Variants in RBFOX1 observed in about 807,000 individuals in gnomAD.
The protein encoded by RBFOX1 is RNA binding fox-1 homolog 1.
In RBFOX1, 8 loss-of-function variants were observed where a neutral mutation model predicts 57.7. That is an observed-to-expected ratio of 0.14 (90% CI 0.08 to 0.25). RBFOX1 has a LOEUF of 0.25. Among genes scored for constraint, RBFOX1 ranks in the 10% least tolerant of loss-of-function variants. RBFOX1 has a pLI of 1.00. For synonymous variants in RBFOX1, 326 were observed against 222.4 expected (o/e 1.47, Z -4.15); for missense variants, 611 against 548.5 (o/e 1.11, Z -1.14).
chr16:6,800,092 C>T (rs1468024678), intron 3 of RBFOX1, among the ~76,000 whole-genome samples: 1 of 152,096 alleles, frequency 6.6e-6, no homozygotes, highest in Non-Finnish European at 1.5e-5. Flanking sequence ...TGTCATGGTG[C>T]TGGTAGGATT....
chr16:6,785,110 T>C (rs1379345526), intron 3 of RBFOX1, among the ~76,000 whole-genome samples: 3 of 152,074 alleles, frequency 2.0e-5, no homozygotes, highest in Non-Finnish European at 2.9e-5. Flanking sequence ...CATGGTTCCT[T>C]CCAAAAATAT....
At chr16:6,163,732 C>T (rs2096895910) in intron 1 of RBFOX1, among the ~76,000 whole-genome samples, 1 of 152,070 alleles carries the variant, frequency 6.6e-6, no homozygotes, top group African/African-American at 2.4e-5. Flanking sequence ...TGTAAAAATG[C>T]CAGGTCAGTC....
chr16:6,513,429 G>A lies in RBFOX1; in HGVS notation c.-63-141174G>A, dbSNP rs112985532. Among the ~76,000 whole-genome samples, 445 of 152,252 alleles carry A rather than the reference G, an allele frequency of 2.9e-3. 2 individuals are homozygous for A. The highest frequency in any genetic ancestry group is 6.8e-3 in the South Asian group (33 of 4,824). ...GAGAGCACATTGGACTCATGACTCT[G>A]TGTAAAAGTTTGGAGACCATGAGGC... On this transcript the variant is annotated intron_variant, in intron 2 of 15. Transcript: ENST00000550418.
At chr16:5,870,980 A>G (rs28412909) in intron 4 of RBFOX1, among the ~76,000 whole-genome samples, 41,795 of 152,116 alleles carry the variant, frequency 0.27, 6,935 homozygotes, top group African/African-American at 0.46. Flanking sequence ...CCACAGAATC[A>G]GTGAGAATGA....
intron 3 of RBFOX1, among the ~76,000 whole-genome samples, chr16:6,827,360 G>C (rs12448667): frequency 0.25 from 37,705 of 152,042 alleles, 5,809 homozygotes; most frequent in East Asian, 0.64. Flanking sequence ...ATGGGAAGAT[G>C]TGTTGTGTGC....
At chr16:7,360,736 A>C (rs2097304569) in intron 4 of RBFOX1, among the ~76,000 whole-genome samples, 1 of 152,194 alleles carries the variant, frequency 6.6e-6, no homozygotes, top group Non-Finnish European at 1.5e-5. Context: ...CCAATGTCCC[A>C]CACACTGGGA....
intron 4 of RBFOX1, among the ~76,000 whole-genome samples, chr16:7,279,872 G>A (rs1210618689): frequency 6.6e-6 from 1 of 152,192 alleles, no homozygotes; most frequent in Non-Finnish European, 1.5e-5. Flanking sequence ...ACTCATGAAG[G>A]CTGAAAGGGA....
At chr16:6,715,108 C>T (rs1014838894) in intron 3 of RBFOX1, among the ~76,000 whole-genome samples, 13 of 152,090 alleles carry the variant, frequency 8.5e-5, no homozygotes, top group African/African-American at 2.9e-4. Flanking sequence ...GTGGTGAATA[C>T]AGTCAAGATT....
intron 4 of RBFOX1, among the ~76,000 whole-genome samples, chr16:7,355,702 T>A (rs1019395093): frequency 2.0e-5 from 3 of 152,206 alleles, no homozygotes; most frequent in Non-Finnish European, 4.4e-5. Context: ...TTATTTGCCC[T>A]TCAGCAAATG....
At chr16:5,958,780 C>G (rs1339235141) in intron 4 of RBFOX1, among the ~76,000 whole-genome samples, 3 of 152,184 alleles carry the variant, frequency 2.0e-5, no homozygotes, top group Non-Finnish European at 2.9e-5. Flanking sequence ...GGCACCCACC[C>G]ACATTCCTTG....
intron 3 of RBFOX1, among the ~76,000 whole-genome samples, chr16:6,808,084 C>G (rs182779756): frequency 4.7e-5 from 7 of 148,900 alleles, no homozygotes; most frequent in Non-Finnish European, 3.0e-5. Flanking sequence ...TATAATCATA[C>G]TCAATAGAAC....
intron 3 of RBFOX1, among the ~76,000 whole-genome samples, chr16:5,827,198 G>A (rs1015106272): frequency 2.6e-5 from 4 of 151,904 alleles, no homozygotes; most frequent in African/African-American, 4.8e-5. Flanking sequence ...TCAAGAATTC[G>A]AGACCAGCCT....
intron 1 of RBFOX1, among the ~76,000 whole-genome samples, chr16:5,370,716 C>T (rs1045074542): frequency 1.3e-5 from 2 of 151,956 alleles, no homozygotes; most frequent in Non-Finnish European, 1.5e-5. Flanking sequence ...TGATCTTTAA[C>T]ACCTAGACTC....
chr16:6,001,173 C>T (rs534479342), intron 4 of RBFOX1, among the ~76,000 whole-genome samples: 5 of 152,180 alleles, frequency 3.3e-5, no homozygotes, highest in African/African-American at 9.7e-5. Context: ...AATATTTGAC[C>T]AACTGGAGAA....
At chr16:6,087,438 G>A (rs1409945234) in intron 1 of RBFOX1, among the ~76,000 whole-genome samples, 1 of 152,054 alleles carries the variant, frequency 6.6e-6, no homozygotes, top group Non-Finnish European at 1.5e-5. Context: ...AATATCCATA[G>A]ATAACTATTG....
intron 4 of RBFOX1, among the ~76,000 whole-genome samples, chr16:7,144,534 C>T (rs969010327): frequency 4.8e-5 from 7 of 145,778 alleles, no homozygotes; most frequent in African/African-American, 1.8e-4. Flanking sequence ...AAGCGATGTT[C>T]CTGCCTCAGC....
intron 3 of RBFOX1, among the ~76,000 whole-genome samples, chr16:5,845,584 T>C (rs560228917): frequency 6.6e-6 from 1 of 152,334 alleles, no homozygotes; most frequent in East Asian, 1.9e-4. Flanking sequence ...GCCGAGCTTC[T>C]TCAAATTTCA....
intron 3 of RBFOX1, among the ~76,000 whole-genome samples, chr16:6,996,658 G>C (rs186673362): frequency 6.6e-6 from 1 of 152,314 alleles, no homozygotes; most frequent in Non-Finnish European, 1.5e-5. Flanking sequence ...TAATTAGTTT[G>C]TCTGAGGTCA....
At chr16:6,155,573 G>A (rs1189650949) in intron 1 of RBFOX1, among the ~76,000 whole-genome samples, 4 of 152,230 alleles carry the variant, frequency 2.6e-5, no homozygotes, top group African/African-American at 9.6e-5. Flanking sequence ...GTGACCAGAA[G>A]GCATTGCCGT....
Sources: gnomAD v4.1 joint callset for allele counts (sites outside exome capture counted in the v4.1 genomes callset) on GRCh38, gnomAD v4.1.1 for gene constraint, MANE v1.5 for transcripts, NCBI Gene and HGNC (gene_info 2026-07-23, HGNC 2026-07-21) for gene names.